SCIN: variants seen among roughly 807,000 people sequenced by gnomAD.
SCIN encodes the protein scinderin.
A neutral mutation model predicts 91.8 loss-of-function variants in SCIN; 91 were observed. That is an observed-to-expected ratio of 0.99 (90% CI 0.84 to 1.18). SCIN has a LOEUF of 1.18. SCIN is among the 50% of genes most tolerant of loss of function. The pLI is 0.00. For synonymous variants in SCIN, 367 were observed against 312.6 expected, an observed-to-expected ratio of 1.17 and a Z score of -1.84; for missense variants, 1,087 against 863.9, an observed-to-expected ratio of 1.26 and a Z score of -3.24.
intron 13 of SCIN, among the ~76,000 whole-genome samples, chr7:12,649,083 T>C (rs1168686667): frequency 6.6e-6 from 1 of 152,114 alleles, no homozygotes; most frequent in Non-Finnish European, 1.5e-5. Context: ...GGGGGTCTTA[T>C]CTCTGGCACT....
At chr7:12,591,853 C>G (rs944663972) in intron 3 of SCIN, among the ~76,000 whole-genome samples, 2 of 152,098 alleles carry the variant, frequency 1.3e-5, no homozygotes, top group African/African-American at 2.4e-5. Context: ...AGTAAGTCAT[C>G]ATGGAGATGG....
intron 7 of SCIN, 62 bp from the exon 8 acceptor site, chr7:12,626,522 A>T: frequency 2.4e-6 from 3 of 1,242,392 alleles, no homozygotes; most frequent in Non-Finnish European, 3.4e-6. Flanking sequence ...CCACTGCCAG[A>T]TTCATATTTT....
At chr7:12,647,224 A>G (rs2115301341) in intron 13 of SCIN, among the ~76,000 whole-genome samples, 2 of 152,334 alleles carry the variant, frequency 1.3e-5, no homozygotes, top group South Asian at 4.1e-4. Flanking sequence ...CGTATATATT[A>G]GCCTTTAAGA....
At chr7:12,613,269 T>C (rs926740049) in intron 4 of SCIN, among the ~76,000 whole-genome samples, 2 of 152,186 alleles carry the variant, frequency 1.3e-5, no homozygotes, top group Non-Finnish European at 1.5e-5. Context: ...TCCTTTGTGC[T>C]AAGACTCAGC....
chr7:12,649,492 C>T lies in SCIN; in HGVS notation c.1907C>T (p.Thr636Ile). 6.2e-7 allele frequency: 1 copy of T among 1,602,124 alleles called. No homozygotes were observed. The change falls in exon 14 of 16, where the codon ACC (threonine) becomes ATC (isoleucine). Residue 636 changes from threonine (T) to isoleucine (I), a missense_variant. Coordinates refer to ENST00000297029, the MANE Select transcript of SCIN (RefSeq NM_001112706.3). The stretch of plus-strand genomic sequence containing the variant: ...ATTGAAGAGATTCCAGGAGAGTTCA[C>T]CCAGGATGATTTAGCTGAAGATGAT... ...FVIEEIPGEFTQDDLAEDDVM... is the reference protein window; with the variant it reads ...FVIEEIPGEFIQDDLAEDDVM...
intron 4 of SCIN, among the ~76,000 whole-genome samples, chr7:12,615,609 T>C (rs1457442074): frequency 6.6e-6 from 1 of 152,184 alleles, no homozygotes; most frequent in Non-Finnish European, 1.5e-5. Flanking sequence ...CTAATTCAAC[T>C]GGCTTACCCC....
intron 1 of SCIN, 199 bp downstream of exon 1, chr7:12,571,184 G>T (rs1261138495): frequency 1.6e-6 from 1 of 610,408 alleles, no homozygotes; most frequent in Non-Finnish European, 2.8e-6. Context: ...CGGGGCTCAG[G>T]CGTTGTCCGC....
chr7:12,640,996 C>T (rs1015401051), intron 11 of SCIN, among the ~76,000 whole-genome samples: 4 of 152,110 alleles, frequency 2.6e-5, no homozygotes, highest in African/African-American at 4.8e-5. Flanking sequence ...GGGATCAAAC[C>T]CCATGCCATG....
intron 11 of SCIN, among the ~76,000 whole-genome samples, chr7:12,641,012 A>G (rs1783847551): frequency 1.3e-5 from 2 of 152,204 alleles, no homozygotes; most frequent in South Asian, 4.1e-4. Context: ...CCATGGTGCC[A>G]TAAGATAAGA....
rs1784137402 is a variant in SCIN at position 12,654,563 on chromosome 7, G to A, written c.*1848G>A. The A allele has an allele frequency of 1.3e-5, 2 of 151,760 alleles. No homozygotes were observed. The highest frequency in any genetic ancestry group is 2.4e-5 in the African/African-American group (1 of 41,274). The allele number at this position is 151,760 out of a possible 1,614,324, so 9.4% of individuals were successfully genotyped here. On this transcript the variant is annotated 3_prime_UTR_variant, in exon 16 of 16. Coordinates refer to ENST00000297029, the MANE Select transcript of SCIN (RefSeq NM_001112706.3). Reference sequence around the variant, plus strand: ...TAAAAATATTTATAAATATCTTCTGGGTCAAGCTGAATATTTTTTGAAGGA... The same window carrying A: ...TAAAAATATTTATAAATATCTTCTGAGTCAAGCTGAATATTTTTTGAAGGA...
Position 12,652,689 on chromosome 7 carries a change from C to G in SCIN, c.2122C>G (p.Leu708Val). Reference protein sequence around the residue: ...HEPPTFTGWFLGWDSSKW With the variant: ...HEPPTFTGWFVGWDSSKW The stretch of plus-strand genomic sequence containing the variant: ...GCCACCCACATTCACAGGCTGGTTC[C>G]TGGGCTGGGATTCCAGCAAGTGGTA... The change falls in exon 16 of 16, where the codon CTG (leucine) becomes GTG (valine). Residue 708 changes from leucine to valine, a missense_variant. Transcript: ENST00000297029. The G allele has an allele frequency of 1.9e-6, 3 of 1,604,916 alleles. No individual in the cohort carries two copies. The highest frequency in any genetic ancestry group is 2.5e-6 in the Non-Finnish European group (3 of 1,177,088).
Position 12,626,703 on chromosome 7 carries a change from A to C in SCIN, c.1101A>C (p.Gln367His), listed in dbSNP as rs764170146. The change falls in exon 8 of 16, where the codon CAA (glutamine) becomes CAC (histidine). Residue 367 changes from glutamine (Q) to histidine (H), a missense_variant. Coordinates refer to ENST00000297029, the MANE Select transcript of SCIN (RefSeq NM_001112706.3). ...GKVYVTEKVA[Q>H]IKQIPFDASK... ...TTTATGTCACAGAGAAAGTGGCTCA[A>C]ATAAAACAAATTCCCTTTGATGCCT... 10 of 1,597,520 alleles carry C rather than the reference A, an allele frequency of 6.3e-6. No individual in the cohort carries two copies. Among genetic ancestry groups the C allele is most frequent in the South Asian group, 3.4e-5 (3 of 87,998 alleles).
intron 4 of SCIN, among the ~76,000 whole-genome samples, chr7:12,612,368 T>C (rs776570355): frequency 6.6e-6 from 1 of 152,158 alleles, no homozygotes; most frequent in Non-Finnish European, 1.5e-5. Context: ...GCAAATATAT[T>C]CGCAACCCTC....
chr7:12,624,404 A>G lies in SCIN; in HGVS notation c.760-606A>G, dbSNP rs572695169. ...GTCTGTAGTCATTTCTAAATGTGAC[A>G]GAAGAAATTTACTTTGATAATTTAT... On this transcript the variant is annotated intron_variant, in intron 5 of 15. Transcript: ENST00000297029. Among the ~76,000 whole-genome samples the G allele has an allele frequency of 2.6e-5, 4 of 152,376 alleles. No individual in the cohort carries two copies. In the South Asian group the frequency reaches 8.3e-4, roughly 32 times the overall value.
intron 4 of SCIN, among the ~76,000 whole-genome samples, chr7:12,614,386 A>G (rs1326465594): frequency 6.6e-6 from 1 of 152,200 alleles, no homozygotes; most frequent in African/African-American, 2.4e-5. Flanking sequence ...AGTGCTAACC[A>G]TAGAAGAGGC....
chr7:12,639,082 T>G (rs577449227), intron 10 of SCIN, among the ~76,000 whole-genome samples: 16 of 152,356 alleles, frequency 1.1e-4, no homozygotes, highest in Middle Eastern at 3.4e-3. Context: ...ATGAAAAAAC[T>G]AAAGTATTGC....
In SCIN at chr7:12,656,478, G is replaced by T. The variant is rs1784164155; in HGVS notation, c.*3763G>T. ...CATTTATTTTAAACCTAATTCATTTGAACTGAACTTGAATTTAAAAGCCTA... is the reference window on the plus strand; with the variant it reads ...CATTTATTTTAAACCTAATTCATTTTAACTGAACTTGAATTTAAAAGCCTA... On this transcript the variant is annotated 3_prime_UTR_variant, in exon 16 of 16. Transcript: ENST00000297029. 6.6e-6 allele frequency: 1 copy of T among 151,642 alleles called. No homozygotes were observed. Among genetic ancestry groups the T allele is most frequent in the Admixed American group, 6.6e-5 (1 of 15,232 alleles). 9.4% of individuals were successfully genotyped at this position (151,642 alleles called of 1,614,324 possible). A position where few individuals can be genotyped will look rare whatever the true frequency, so the allele number is the denominator to read the frequency against.
At chr7:12,608,813 G>T (rs1430004227) in intron 4 of SCIN, among the ~76,000 whole-genome samples, 1 of 152,092 alleles carries the variant, frequency 6.6e-6, no homozygotes, top group Non-Finnish European at 1.5e-5. Flanking sequence ...TTCTAATGGG[G>T]TTCTTTTAAA....
At chr7:12,610,800 A>C (rs1052501849) in intron 4 of SCIN, among the ~76,000 whole-genome samples, 1 of 152,166 alleles carries the variant, frequency 6.6e-6, no homozygotes, top group African/African-American at 2.4e-5. Context: ...GAAAAACAAC[A>C]AACAGGTCTT....
Sources: allele counts gnomAD v4.1 joint callset (sites outside exome capture counted in the v4.1 genomes callset), GRCh38; gene constraint gnomAD v4.1.1; transcripts MANE v1.5; gene names NCBI Gene and HGNC (gene_info 2026-07-23, HGNC 2026-07-21).